The following MGAT4D variants were observed in gnomAD, a reference collection of about 807,000 sequenced individuals.
MGAT4D encodes MGAT4 family member D.
MGAT4D carries 34 observed loss-of-function variants against 15.9 expected under a neutral mutation model. That is an observed-to-expected ratio of 2.14 (90% CI 1.62 to 2.84). The LOEUF is 2.84. Ranked by LOEUF, MGAT4D falls within the 30% of genes most tolerant of loss-of-function variation. The pLI is 0.00. For synonymous variants in MGAT4D, 112 were observed against 48.2 expected (o/e 2.33, Z -5.49); for missense variants, 327 against 140.2 (o/e 2.33, Z -6.73).
chr4:140,485,332 A>T (rs1733033237), intron 1 of MGAT4D, among the ~76,000 whole-genome samples: 1 of 152,084 alleles, frequency 6.6e-6, no homozygotes, highest in Non-Finnish European at 1.5e-5. Context: ...GTTCTCAGTC[A>T]TAGATGGGAA....
intron 1 of MGAT4D, among the ~76,000 whole-genome samples, chr4:140,484,171 T>A (rs1391948981): frequency 1.3e-5 from 2 of 152,016 alleles, no homozygotes; most frequent in Non-Finnish European, 2.9e-5. Flanking sequence ...TGAAAAGAGG[T>A]TAATATCTAA....
chr4:140,445,124 A>G (rs1730035555), intron 10 of MGAT4D, among the ~76,000 whole-genome samples: 2 of 152,170 alleles, frequency 1.3e-5, no homozygotes, highest in African/African-American at 4.8e-5. Flanking sequence ...ACCTCAGGTG[A>G]TCCACCCACC....
At chr4:140,491,608 A>C (rs1168695086) in intron 1 of MGAT4D, among the ~76,000 whole-genome samples, 2 of 151,924 alleles carry the variant, frequency 1.3e-5, no homozygotes, top group East Asian at 3.9e-4. Context: ...GGTCATCTAC[A>C]AGAAGGTCAT....
intron 1 of MGAT4D, among the ~76,000 whole-genome samples, chr4:140,483,131 C>A (rs759551407): frequency 5.3e-5 from 8 of 152,092 alleles, no homozygotes; most frequent in Non-Finnish European, 1.0e-4. Context: ...TAAATGCATA[C>A]ATAAAAATCT....
At chr4:140,466,341 C>T (rs956576591) in intron 5 of MGAT4D, among the ~76,000 whole-genome samples, 2 of 152,070 alleles carry the variant, frequency 1.3e-5, no homozygotes, top group African/African-American at 4.8e-5. Context: ...GGAAATGATG[C>T]TGCTGAAAAA....
intron 1 of MGAT4D, among the ~76,000 whole-genome samples, chr4:140,489,159 A>T (rs1403136070): frequency 6.6e-6 from 1 of 152,192 alleles, no homozygotes; most frequent in Admixed American, 6.5e-5. Context: ...TTGGCAGGTC[A>T]CTTTAAATTT....
At chr4:140,496,421 G>A (rs1481649507) in intron 1 of MGAT4D, among the ~76,000 whole-genome samples, 4 of 152,252 alleles carry the variant, frequency 2.6e-5, no homozygotes, top group East Asian at 1.9e-4. Flanking sequence ...TTGAGGAATC[G>A]AACTTCTTTT....
chr4:140,469,018 C>G (rs960504740), intron 5 of MGAT4D, among the ~76,000 whole-genome samples: 2 of 152,164 alleles, frequency 1.3e-5, no homozygotes, highest in Non-Finnish European at 2.9e-5. Context: ...ATCAGCCCCT[C>G]CTCTCTCTAC....
intron 1 of MGAT4D, among the ~76,000 whole-genome samples, chr4:140,493,520 C>T (rs1028454654): frequency 2.6e-5 from 4 of 152,006 alleles, no homozygotes; most frequent in African/African-American, 9.7e-5. Flanking sequence ...TGGTCTCGAT[C>T]TCCTGACCTC....
chr4:140,497,634 C>CGTA (rs1396057418), intron 1 of MGAT4D, among the ~76,000 whole-genome samples: 1 of 152,146 alleles, frequency 6.6e-6, no homozygotes, highest in African/African-American at 2.4e-5. Flanking sequence ...TCCTTTCTAC[C>CGTA]ACCTCTTTTC....
chr4:140,493,536 C>T (rs1282024335), intron 1 of MGAT4D, among the ~76,000 whole-genome samples: 1 of 151,996 alleles, frequency 6.6e-6, no homozygotes, highest in African/African-American at 2.4e-5. Flanking sequence ...ACCTCGTGAT[C>T]TGCCCACCTC....
intron 9 of MGAT4D, 124 bp downstream of exon 9, chr4:140,456,465 A>G (rs1030260630): frequency 2.4e-6 from 1 of 420,884 alleles, no homozygotes; most frequent in Non-Finnish European, 4.2e-6. Flanking sequence ...AAAATTTGGG[A>G]TATTAGAAAT....
chr4:140,461,906 CA>C, intron 7 of MGAT4D, 22 bp downstream of exon 7: 1 of 695,444 alleles, frequency 1.4e-6, no homozygotes, highest in Non-Finnish European at 2.6e-6. Flanking sequence ...CACACACACA[CA>C]CACACACACA....
chr4:140,466,984 C>G (rs1731579370), intron 5 of MGAT4D, among the ~76,000 whole-genome samples: 1 of 151,982 alleles, frequency 6.6e-6, no homozygotes, highest in Non-Finnish European at 1.5e-5. Context: ...TTTTTCTGAT[C>G]TTTAATTTCC....
chr4:140,473,399 A>G (rs1409538111), intron 4 of MGAT4D, among the ~76,000 whole-genome samples: 1 of 152,172 alleles, frequency 6.6e-6, no homozygotes, highest in Non-Finnish European at 1.5e-5. Context: ...ATAACCCAAC[A>G]ATGCACTGAA....
intron 5 of MGAT4D, among the ~76,000 whole-genome samples, chr4:140,467,477 A>G (rs1731617111): frequency 6.6e-6 from 1 of 152,120 alleles, no homozygotes; most frequent in African/African-American, 2.4e-5. Context: ...TCCAAAGTCC[A>G]AAAAGCACCA....
At chr4:140,469,674 A>T (rs1340116406) in intron 5 of MGAT4D, among the ~76,000 whole-genome samples, 1 of 152,224 alleles carries the variant, frequency 6.6e-6, no homozygotes, top group Non-Finnish European at 1.5e-5. Context: ...GTTTTGCCCC[A>T]GATGGCTTCC....
intron 1 of MGAT4D, among the ~76,000 whole-genome samples, chr4:140,486,751 T>C (rs1467647655): frequency 6.6e-6 from 1 of 152,214 alleles, no homozygotes; most frequent in Non-Finnish European, 1.5e-5. Flanking sequence ...CTTGTCAGTA[T>C]AAGAACTAAT....
intron 5 of MGAT4D, 138 bp downstream of exon 5, chr4:140,471,637 G>A (rs1397913426): frequency 3.8e-6 from 1 of 262,902 alleles, no homozygotes; most frequent in African/African-American, 2.2e-5. Flanking sequence ...GCTTAGAAAG[G>A]ACTACAGGTT....
Sources: allele counts gnomAD v4.1 joint callset (sites outside exome capture counted in the v4.1 genomes callset), GRCh38; gene constraint gnomAD v4.1.1; transcripts MANE v1.5; gene names NCBI Gene and HGNC (gene_info 2026-07-23, HGNC 2026-07-21).